The following SYNJ1 variants were observed in gnomAD, a reference collection of about 807,000 sequenced individuals.
The protein encoded by SYNJ1 is synaptojanin 1.
In SYNJ1, 78 loss-of-function variants were observed where a neutral mutation model predicts 168.2. The ratio of observed to expected loss-of-function variants is 0.46; its 90% CI spans 0.39 to 0.56. The LOEUF (loss-of-function observed/expected upper bound fraction) is 0.56, where lower values mean the gene tolerates loss of function less well. Ranked by LOEUF, SYNJ1 falls within the 20% of genes least tolerant of loss-of-function variation. SYNJ1 has a pLI of 0.00. For missense variants in SYNJ1, 1,303 were observed against 1,597.6 expected, an observed-to-expected ratio of 0.82 and a Z score of 3.14; for synonymous variants, 539 against 548.6, an observed-to-expected ratio of 0.98 and a Z score of 0.24.
In SYNJ1 at chr21:32,639,072, A is replaced by T; in HGVS notation, c.3751T>A (p.Ser1251Thr). The T allele has an allele frequency of 6.2e-7, 1 of 1,614,076 alleles. No individual in the cohort carries two copies. The highest frequency in any genetic ancestry group is 8.5e-7 in the Non-Finnish European group (1 of 1,179,978). Residue 1251 changes from serine to threonine, a missense_variant, in exon 31 of 33, where the codon TCT (serine) becomes ACT (threonine). By Grantham distance (58) the Ser-to-Thr change is moderately conservative. Around this residue, in one of 2 missense-constraint regions of SYNJ1, gnomAD observed 383 missense variants for 388.8 expected, o/e 0.99. Transcript: ENST00000674351. ...CTTTGAGCAGGCGGGGGCAAAGAAG[A>T]CTGCGGAGGAAAAGCAGCCTGAGGC... is the stretch of plus-strand genomic sequence containing the variant. Reference protein sequence around the residue: ...LKPQAAFPPQSSLPPPAQRLQ... With the variant: ...LKPQAAFPPQTSLPPPAQRLQ...
At chr21:32,698,872 C>T (rs1315364451) in intron 4 of SYNJ1, among the ~76,000 whole-genome samples, 3 of 152,246 alleles carry the variant, frequency 2.0e-5, no homozygotes, top group African/African-American at 4.8e-5. Flanking sequence ...AAGGGAATGC[C>T]GCCAGAGACA....
intron 25 of SYNJ1, 32 bp downstream of exon 25, chr21:32,645,614 A>G (rs764302162): frequency 4.0e-6 from 6 of 1,504,972 alleles, no homozygotes; most frequent in Non-Finnish European, 5.3e-6. Context: ...AGAATTTTAC[A>G]TCTAGCAGAA....
intron 12 of SYNJ1, 44 bp downstream of exon 12, chr21:32,678,601 C>A (rs759612224): frequency 2.0e-6 from 3 of 1,517,930 alleles, no homozygotes; most frequent in Admixed American, 4.8e-5. Context: ...ACCTCTTGGA[C>A]CTTTAGGAAT....
chr21:32,707,433 G>T (rs2042654204), intron 2 of SYNJ1, among the ~76,000 whole-genome samples: 1 of 151,670 alleles, frequency 6.6e-6, no homozygotes, highest in Non-Finnish European at 1.5e-5. Context: ...TAGGACTACA[G>T]GCACTAATAC....
intron 4 of SYNJ1, 69 bp from the exon 5 acceptor site, chr21:32,695,351 T>C (rs915204873): frequency 2.9e-6 from 4 of 1,373,434 alleles, no homozygotes; most frequent in Non-Finnish European, 4.0e-6. Flanking sequence ...TTTAAAATAA[T>C]CTCCTGGAAA....
At chr21:32,664,583 C>T (rs773248260) in intron 18 of SYNJ1, among the ~76,000 whole-genome samples, 7 of 152,034 alleles carry the variant, frequency 4.6e-5, no homozygotes, top group Admixed American at 2.0e-4. Flanking sequence ...CAATCGATCA[C>T]GACCCTCTCA....
At position 32,700,156 on chromosome 21, in the gene SYNJ1, T is replaced by A. The variant is rs762178441; in HGVS notation, c.212-51A>T. The A allele has an allele frequency of 3.9e-6, 6 of 1,539,800 alleles. No individual in the cohort carries two copies. In the Admixed American group the frequency reaches 1.0e-4, roughly 26 times the overall value. On this transcript the variant is annotated intron_variant, in intron 3 of 32. Transcript: ENST00000674351. ...ATGAAAAATCCCAACATTTTCAAGC[T>A]ATTCCATTTCTTCTTGCACCTCTAT...
chr21:32,652,748 G>T (rs766640208), intron 22 of SYNJ1, among the ~76,000 whole-genome samples: 1 of 152,136 alleles, frequency 6.6e-6, no homozygotes, highest in Non-Finnish European at 1.5e-5. Flanking sequence ...CGTCATCAAT[G>T]ACTTTTCAAA....
chr21:32,642,803 G>A (rs185956009), intron 27 of SYNJ1, among the ~76,000 whole-genome samples: 236 of 152,326 alleles, frequency 1.5e-3, no homozygotes, highest in Non-Finnish European at 2.4e-3. Flanking sequence ...AGGAGTAGGA[G>A]TGACTATCAA....
At chr21:32,636,042 G>A (rs1463771188) in intron 31 of SYNJ1, among the ~76,000 whole-genome samples, 1 of 152,152 alleles carries the variant, frequency 6.6e-6, no homozygotes, top group African/African-American at 2.4e-5. Context: ...TAGTAAACAT[G>A]AGACTCTTAT....
chr21:32,633,060 T>TA (rs977501856), intron 32 of SYNJ1, among the ~76,000 whole-genome samples: 19 of 152,182 alleles, frequency 1.2e-4, no homozygotes, highest in Non-Finnish European at 2.8e-4. Context: ...CAACTTTCCA[T>TA]AAAAAAATTG....
At chr21:32,688,401 A>G in intron 6 of SYNJ1, 34 bp from the exon 7 acceptor site, 1 of 1,578,596 alleles carries the variant, frequency 6.3e-7, no homozygotes, top group Non-Finnish European at 8.7e-7. Context: ...ATCAAACCAA[A>G]AACCAACATA....
At chr21:32,633,053 C>T (rs564838909) in intron 32 of SYNJ1, among the ~76,000 whole-genome samples, 48 of 152,220 alleles carry the variant, frequency 3.2e-4, no homozygotes, top group African/African-American at 1.2e-3. Context: ...AATGTGACAA[C>T]TTTCCATAAA....
chr21:32,699,076 G>A (rs2042308127), intron 4 of SYNJ1, among the ~76,000 whole-genome samples: 1 of 152,018 alleles, frequency 6.6e-6, no homozygotes. Context: ...GCTCTGCTGA[G>A]GACTCCAGAG....
At chr21:32,715,236 G>A (rs1365459022) in intron 2 of SYNJ1, among the ~76,000 whole-genome samples, 1 of 152,200 alleles carries the variant, frequency 6.6e-6, no homozygotes, top group Non-Finnish European at 1.5e-5. Flanking sequence ...ATTTTGGGGA[G>A]CTGAGGCAGG....
At chr21:32,685,717 TTCAAAGA>T in intron 9 of SYNJ1, 24 bp downstream of exon 9, 2 of 1,467,984 alleles carry the variant, frequency 1.4e-6, no homozygotes, top group Non-Finnish European at 9.0e-7. Context: ...AATGTTCCAA[TTCAAAGA>T]ACAGAGAAAC....
chr21:32,657,678 A>G lies in SYNJ1; in HGVS notation c.2461+38T>C, dbSNP rs750443276. On this transcript the variant is annotated intron_variant, in intron 19 of 32. Transcript: ENST00000674351. ...TCATTCCCTGCTTCCTCATAAGTTT[A>G]CATTAGTTCATTTAAATAAAGAAGC... 12 of 1,553,408 alleles carry G rather than the reference A, an allele frequency of 7.7e-6. No individual in the cohort carries two copies. In the African/African-American group the frequency reaches 1.7e-4, roughly 22 times the overall value.
intron 17 of SYNJ1, 36 bp from the exon 18 acceptor site, chr21:32,665,107 A>T: frequency 6.4e-7 from 1 of 1,558,772 alleles, no homozygotes; most frequent in Non-Finnish European, 8.7e-7. Context: ...AATTCAAAAC[A>T]ATCAATGTTC....
intron 15 of SYNJ1, among the ~76,000 whole-genome samples, chr21:32,669,968 C>CA (rs888575707): frequency 2.0e-5 from 3 of 151,932 alleles, no homozygotes; most frequent in Admixed American, 6.6e-5. Context: ...AGTTATTTTT[C>CA]AAAAAATTTA....
Sources: allele counts gnomAD v4.1 joint callset (sites outside exome capture counted in the v4.1 genomes callset), GRCh38; gene constraint gnomAD v4.1.1; regional missense constraint gnomAD v4.1.1; transcripts MANE v1.5; gene names NCBI Gene and HGNC (gene_info 2026-07-23, HGNC 2026-07-21).